Variants in NOX5 observed in about 807,000 individuals in gnomAD.
NOX5 encodes NADPH oxidase 5.
A neutral mutation model predicts 85.7 loss-of-function variants in NOX5; 76 were observed. The observed-to-expected ratio is 0.89, with a 90% CI of 0.74 to 1.07. The LOEUF is 1.07. Among genes scored for constraint, NOX5 ranks in the 50% least tolerant of loss-of-function variants. NOX5 has a pLI of 0.00. For missense variants in NOX5, 973 were observed against 999.5 expected, an observed-to-expected ratio of 0.97 and a Z score of 0.36; for synonymous variants, 405 against 401.4, an observed-to-expected ratio of 1.01 and a Z score of -0.11.
rs114750278 is a variant in NOX5, at chr15:69,053,110, A to G, written c.2000-2224A>G. On this transcript the variant is annotated intron_variant, in intron 14 of 15. Coordinates refer to ENST00000388866, the MANE Select transcript of NOX5 (RefSeq NM_024505.4). ...GTGGCTTCTGATTTCAACTTTAATT[A>G]TACGTCAAGGTTTGCATTAAATAAT... Among the ~76,000 whole-genome samples the G allele has an allele frequency of 6.4e-3, 972 of 152,332 alleles. 17 individuals are homozygous for G. The highest frequency in any genetic ancestry group is 0.022 in the African/African-American group (917 of 41,568).
intron 2 of NOX5, 107 bp downstream of exon 2, chr15:69,026,758 G>A: frequency 6.7e-7 from 1 of 1,487,156 alleles, no homozygotes; most frequent in Non-Finnish European, 9.2e-7. Context: ...GGTTCCTGAG[G>A]TCTCCACCTT....
intron 4 of NOX5, among the ~76,000 whole-genome samples, chr15:69,032,409 C>CTT (rs1210362821): frequency 2.0e-4 from 29 of 142,736 alleles, no homozygotes; most frequent in South Asian, 4.5e-4. Context: ...TGTGTATTAA[C>CTT]TTTTTTTTTT....
At position 69,055,569 on chromosome 15, in the gene NOX5, A is replaced by G; in HGVS notation, c.2166+69A>G. 4 of 1,551,962 alleles carry G rather than the reference A, an allele frequency of 2.6e-6. 1 individual carries two copies. In the South Asian group the frequency reaches 4.7e-5, roughly 18 times the overall value. On this transcript the variant is annotated intron_variant, in intron 15 of 15. Coordinates refer to ENST00000388866, the MANE Select transcript of NOX5 (RefSeq NM_024505.4). Reference sequence around the variant, plus strand: ...CTGAGAGCTCGAGGCAGCGGTGGGGAGACGAGGCCCAAGCTGTCAGGGGCA... The same window carrying G: ...CTGAGAGCTCGAGGCAGCGGTGGGGGGACGAGGCCCAAGCTGTCAGGGGCA...
At chr15:69,023,489 G>A (rs772817630) in intron 1 of NOX5, 1 of 382,836 alleles carries the variant, frequency 2.6e-6, no homozygotes, top group Non-Finnish European at 5.1e-6. Context: ...CCCGAATAGA[G>A]CCAGGGTTGT....
chr15:69,035,476 CGT>C lies in NOX5; in HGVS notation c.980_981del (p.Val327AlafsTer69), dbSNP rs2050501974. The C allele has an allele frequency of 6.2e-7, 1 of 1,614,054 alleles. No homozygotes were observed. Among genetic ancestry groups the C allele is most frequent in the South Asian group, 1.1e-5 (1 of 91,088 alleles). Reference sequence around the variant, plus strand: ...GCTACGTGGTAGTGGGGCTGTCCCTCGTGCACACCGTGGCTCACACTGTGAAC... The same window carrying C: ...GCTACGTGGTAGTGGGGCTGTCCCTCGCACACCGTGGCTCACACTGTGAAC... The part of the protein sequence containing the change: ...MGYVVVGLSL[V>X]HTVAHTVNFV... On this transcript the variant is annotated frameshift_variant, in exon 6 of 16. Transcript: ENST00000388866. LOFTEE classifies it high-confidence loss of function.
intron 8 of NOX5, chr15:69,038,277 A>G (rs1021942544): frequency 4.3e-5 from 7 of 163,256 alleles, no homozygotes; most frequent in African/African-American, 1.4e-4. Context: ...AGGCTCTGGC[A>G]TCCAACAGCC....
Position 69,035,738 on chromosome 15 carries a change from C to G in NOX5, c.1010-20C>G, listed in dbSNP as rs367861395. The G allele has an allele frequency of 3.7e-5, 60 of 1,609,892 alleles. No homozygotes were observed. Among genetic ancestry groups the G allele is most frequent in the Non-Finnish European group, 4.2e-5 (50 of 1,177,458 alleles). ...AGAGCTGGTCTTGCAGTCACTCAACCTTTCTGAGCTTGTTTCCAGTACTCC... is the reference window on the plus strand; with the variant it reads ...AGAGCTGGTCTTGCAGTCACTCAACGTTTCTGAGCTTGTTTCCAGTACTCC... On this transcript the variant is annotated intron_variant, in intron 6 of 15. Transcript: ENST00000388866.
chr15:69,041,261 A>T (rs2050591268), intron 9 of NOX5, among the ~76,000 whole-genome samples: 1 of 152,174 alleles, frequency 6.6e-6, no homozygotes, highest in Non-Finnish European at 1.5e-5. Context: ...TTAATGAAGG[A>T]GGAAACCTCA....
intron 1 of NOX5, among the ~76,000 whole-genome samples, chr15:69,025,034 G>A (rs1197381616): frequency 6.6e-6 from 1 of 152,004 alleles, no homozygotes; most frequent in African/African-American, 2.4e-5. Flanking sequence ...TCTCATTTAT[G>A]TTCTATAAAG....
chr15:69,015,962 G>A (rs2050227665), intron 1 of NOX5, among the ~76,000 whole-genome samples: 1 of 152,118 alleles, frequency 6.6e-6, no homozygotes, highest in South Asian at 2.1e-4. Flanking sequence ...CAGGACAGTG[G>A]TTCTCTGGGG....
Position 69,061,847 on chromosome 15 carries a change from C to T in NOX5, c.*5151C>T, listed in dbSNP as rs964365674. 1 of 151,862 alleles carries T rather than the reference C, an allele frequency of 6.6e-6. No homozygotes were observed. The highest frequency in any genetic ancestry group is 1.5e-5 in the Non-Finnish European group (1 of 67,970). The allele number at this position is 151,862 out of a possible 1,614,324, so 9.4% of individuals were successfully genotyped here. A position where few individuals can be genotyped will look rare whatever the true frequency, so the allele number is the denominator to read the frequency against. Reference sequence around the variant, plus strand: ...AGACAGGTAGTGAGTTTTAGTGTGGCAGGGAAGAAAAGGATGCATTTTTTG... The same window carrying T: ...AGACAGGTAGTGAGTTTTAGTGTGGTAGGGAAGAAAAGGATGCATTTTTTG... On this transcript the variant is annotated 3_prime_UTR_variant, in exon 16 of 16. Coordinates refer to ENST00000388866, the MANE Select transcript of NOX5 (RefSeq NM_024505.4).
chr15:69,022,001 C>T (rs562711563), intron 1 of NOX5, among the ~76,000 whole-genome samples: 50 of 152,268 alleles, frequency 3.3e-4, no homozygotes, highest in Admixed American at 4.6e-4. Flanking sequence ...AGTGCACATG[C>T]TTGGTGGCAT....
In NOX5 at chr15:69,055,294, TAC is replaced by T. The variant is rs753135455; in HGVS notation, c.2000-39_2000-38del. 7 of 1,607,380 alleles carry T rather than the reference TAC, an allele frequency of 4.4e-6. No individual in the cohort carries two copies. The East Asian group carries it at 1.6e-4, about 36-fold the overall frequency. ...CATCCTGCCCTGCGCCCATGATGGGTACTAGACCCTCAGTGCAGCCCTTGTCC... is the reference window on the plus strand; with the variant it reads ...CATCCTGCCCTGCGCCCATGATGGGTTAGACCCTCAGTGCAGCCCTTGTCC... On this transcript the variant is annotated intron_variant, in intron 14 of 15. Transcript: ENST00000388866.
rs530939898 is a variant in NOX5 at position 69,041,524 on chromosome 15, G to A, written c.1505-1139G>A. Among the ~76,000 whole-genome samples the A allele has an allele frequency of 4.6e-5, 7 of 152,180 alleles. No homozygotes were observed. The East Asian group carries it at 1.2e-3, about 25-fold the overall frequency. ...TTAATGATACCTCTGACTTTTTCACGGTAAAAACCATGGATGCCTTTCTGT... is the reference window on the plus strand; with the variant it reads ...TTAATGATACCTCTGACTTTTTCACAGTAAAAACCATGGATGCCTTTCTGT... On this transcript the variant is annotated intron_variant, in intron 9 of 15. Coordinates refer to ENST00000388866, the MANE Select transcript of NOX5 (RefSeq NM_024505.4).
chr15:69,031,186 C>A (rs1482298350), intron 3 of NOX5: 5 of 392,670 alleles, frequency 1.3e-5, no homozygotes, highest in Non-Finnish European at 4.6e-6. Context: ...CAGCGCTAAC[C>A]CACATACAGT....
intron 1 of NOX5, chr15:69,022,845 G>A (rs1233973046): frequency 3.1e-6 from 1 of 324,676 alleles, no homozygotes; most frequent in Non-Finnish European, 6.1e-6. Flanking sequence ...CTTGTTCCTG[G>A]ATGAGCCCAC....
rs1208686712 is a variant in NOX5 at position 69,031,705 on chromosome 15, G to T, written c.513G>T (p.Leu171=). The change falls in exon 4 of 16, where the codon CTG becomes CTT. Residue 171 remains leucine, a synonymous_variant. Coordinates refer to ENST00000388866, the MANE Select transcript of NOX5 (RefSeq NM_024505.4). ...LPDEKLDQLT[L]ALFESADADG... ...ACGAGAAGCTGGACCAGCTGACGCTGGCGCTCTTCGAATCGGCCGACGCGG... is the reference window on the plus strand; with the variant it reads ...ACGAGAAGCTGGACCAGCTGACGCTTGCGCTCTTCGAATCGGCCGACGCGG... 1 of 1,613,068 alleles carries T rather than the reference G, an allele frequency of 6.2e-7. No homozygotes were observed. The highest frequency in any genetic ancestry group is 1.3e-5 in the African/African-American group (1 of 74,958).
At chr15:69,014,867 G>A (rs2050212710) in intron 1 of NOX5, 82 bp downstream of exon 1, 1 of 1,041,476 alleles carries the variant, frequency 9.6e-7, no homozygotes, top group Non-Finnish European at 1.5e-6. Context: ...TCTACAAAAG[G>A]TAACTGTGTC....
At chr15:69,023,979 GGAACAAAAC>G (rs2050325813) in intron 1 of NOX5, 1 of 165,560 alleles carries the variant, frequency 6.0e-6, no homozygotes, top group African/African-American at 2.4e-5. Context: ...ACGAATTTTT[GGAACAAAAC>G]TTCTGCCCAG....
Sources: gnomAD v4.1 joint callset for allele counts (sites outside exome capture counted in the v4.1 genomes callset) on GRCh38, gnomAD v4.1.1 for gene constraint, MANE v1.5 for transcripts, NCBI Gene and HGNC (gene_info 2026-07-23, HGNC 2026-07-21) for gene names.